LANCL2: variants seen among roughly 807,000 people sequenced by gnomAD.
LANCL2 encodes lanC-like protein 2.
Under a neutral mutation model 56.9 loss-of-function variants are expected in LANCL2, and 33 were observed. The ratio of observed to expected loss-of-function variants is 0.58; its 90% CI spans 0.44 to 0.78. LANCL2 has a LOEUF of 0.78. Among genes scored for constraint, LANCL2 ranks in the 30% least tolerant of loss-of-function variants. The pLI is 0.00. For synonymous variants in LANCL2, 233 were observed against 228.2 expected (o/e 1.02, Z -0.19); for missense variants, 562 against 580.2 (o/e 0.97, Z 0.32).
chr7:55,390,227 AAGAG>A (rs10566867), intron 1 of LANCL2, among the ~76,000 whole-genome samples: 44,038 of 151,898 alleles, frequency 0.29, 6,827 homozygotes, highest in Non-Finnish European at 0.35. Flanking sequence ...TGAAAGCAAA[AAGAG>A]AGAGAGAGTT....
At position 55,366,171 on chromosome 7, in the gene LANCL2, G is replaced by C; in HGVS notation, c.146G>C (p.Cys49Ser). The C allele has an allele frequency of 6.4e-7, 1 of 1,559,558 alleles. No individual in the cohort carries two copies. The highest frequency in any genetic ancestry group is 8.7e-7 in the Non-Finnish European group (1 of 1,151,188). ...LASGAAEETG[C>S]VRPPATTDEP... ...TCCGGAGCGGCCGAAGAGACAGGCT[G>C]TGTTCGTCCCCCGGCGACCACGGAT... Residue 49 changes from cysteine (C) to serine (S), a missense_variant, in exon 1 of 9, where the codon TGT becomes TCT. This residue lies in a region of LANCL2 where 184 missense variants were observed against 111.8 expected (regional missense o/e 1.65). Transcript: ENST00000254770.
chr7:55,398,653 T>C (rs1218722345), intron 3 of LANCL2, 23 bp downstream of exon 3: 3 of 1,566,322 alleles, frequency 1.9e-6, no homozygotes, highest in Non-Finnish European at 2.6e-6. Context: ...ACTGGAAACA[T>C]TTTCTCCCAA....
chr7:55,416,286 C>A (rs10247700), intron 6 of LANCL2, among the ~76,000 whole-genome samples: 44,482 of 151,794 alleles, frequency 0.29, 6,864 homozygotes, highest in Non-Finnish European at 0.34. Flanking sequence ...ATATCTTCTT[C>A]TTATTATTAT....
intron 1 of LANCL2, among the ~76,000 whole-genome samples, chr7:55,375,785 G>C (rs1435379674): frequency 2.0e-5 from 3 of 152,148 alleles, no homozygotes; most frequent in African/African-American, 7.2e-5. Context: ...CTGTTTCCCA[G>C]CTCATTGAAG....
intron 6 of LANCL2, among the ~76,000 whole-genome samples, chr7:55,414,101 G>A (rs527641914): frequency 6.6e-6 from 1 of 152,338 alleles, no homozygotes; most frequent in Non-Finnish European, 1.5e-5. Context: ...AAAAGCATAT[G>A]TAATATGGTC....
intron 5 of LANCL2, among the ~76,000 whole-genome samples, chr7:55,406,804 A>G (rs943431600): frequency 1.3e-5 from 2 of 152,210 alleles, no homozygotes; most frequent in Admixed American, 6.5e-5. Context: ...AACCAGAAAA[A>G]CAACAAAACA....
chr7:55,427,830 G>T (rs908297093), intron 7 of LANCL2, among the ~76,000 whole-genome samples: 6 of 152,192 alleles, frequency 3.9e-5, no homozygotes, highest in African/African-American at 1.4e-4. Flanking sequence ...TAAGAAGAAA[G>T]GGTCAAGGAG....
chr7:55,414,053 G>A (rs1790499829), intron 6 of LANCL2, among the ~76,000 whole-genome samples: 3 of 152,132 alleles, frequency 2.0e-5, no homozygotes, highest in African/African-American at 4.8e-5. Flanking sequence ...CCATAAATAT[G>A]TACAATTATT....
chr7:55,409,280 G>T (rs528609810), intron 5 of LANCL2, among the ~76,000 whole-genome samples: 1 of 151,372 alleles, frequency 6.6e-6, no homozygotes, highest in African/African-American at 2.4e-5. Context: ...TTTTAGTGGA[G>T]ATGGGGTTTC....
chr7:55,415,091 T>C (rs1208513528), intron 6 of LANCL2, among the ~76,000 whole-genome samples: 1 of 151,912 alleles, frequency 6.6e-6, no homozygotes, highest in Non-Finnish European at 1.5e-5. Context: ...ACAAATTACA[T>C]CTGACAAAAA....
intron 6 of LANCL2, among the ~76,000 whole-genome samples, chr7:55,417,167 G>A (rs1469478986): frequency 1.3e-5 from 2 of 151,922 alleles, no homozygotes; most frequent in Non-Finnish European, 2.9e-5. Context: ...TTTTAGTAGA[G>A]ATGGGGTTTC....
chr7:55,406,036 C>A (rs548486077), intron 5 of LANCL2, among the ~76,000 whole-genome samples: 246 of 152,262 alleles, frequency 1.6e-3, no homozygotes, highest in Non-Finnish European at 3.1e-3. Context: ...GCTAATCATA[C>A]GTAGCCTTGG....
intron 1 of LANCL2, among the ~76,000 whole-genome samples, chr7:55,390,667 G>C (rs1474319640): frequency 1.3e-5 from 2 of 152,010 alleles, no homozygotes; most frequent in African/African-American, 4.8e-5. Flanking sequence ...TGTAGTCCCA[G>C]CTACTCGGGA....
intron 5 of LANCL2, among the ~76,000 whole-genome samples, chr7:55,411,075 G>A (rs907244973): frequency 5.3e-5 from 8 of 152,168 alleles, no homozygotes; most frequent in African/African-American, 1.9e-4. Flanking sequence ...ACATTGTGTG[G>A]CATTAACATG....
intron 1 of LANCL2, among the ~76,000 whole-genome samples, chr7:55,387,497 A>G (rs889569454): frequency 7.9e-5 from 12 of 151,908 alleles, no homozygotes; most frequent in Admixed American, 7.9e-4. Flanking sequence ...ACTGGGACAC[A>G]GCAAACGTTG....
At chr7:55,375,947 T>A (rs949341578) in intron 1 of LANCL2, among the ~76,000 whole-genome samples, 2 of 152,116 alleles carry the variant, frequency 1.3e-5, no homozygotes, top group African/African-American at 2.4e-5. Context: ...ACACTTCACA[T>A]CTCTCTGATT....
intron 1 of LANCL2, among the ~76,000 whole-genome samples, chr7:55,390,052 A>G (rs977873404): frequency 5.9e-5 from 9 of 152,202 alleles, no homozygotes; most frequent in Non-Finnish European, 1.2e-4. Flanking sequence ...CAGAATCCCA[A>G]ATTTCAGTAG....
At chr7:55,392,755 T>A (rs973974621) in intron 2 of LANCL2, among the ~76,000 whole-genome samples, 1 of 152,188 alleles carries the variant, frequency 6.6e-6, no homozygotes, top group African/African-American at 2.4e-5. Flanking sequence ...AACTTTAATA[T>A]CTAGTGTGTC....
At position 55,432,140 on chromosome 7, in the gene LANCL2, C is replaced by T. The variant is rs1039611790; in HGVS notation, c.*820C>T. 1 of 152,196 alleles carries T rather than the reference C, an allele frequency of 6.6e-6. No homozygotes were observed. The highest frequency in any genetic ancestry group is 2.4e-5 in the African/African-American group (1 of 41,440). 9.4% of individuals were successfully genotyped at this position (152,196 alleles called of 1,614,324 possible). On this transcript the variant is annotated 3_prime_UTR_variant, in exon 9 of 9. Transcript: ENST00000254770. Reference sequence around the variant, plus strand: ...AGAACATTTACCCAGGTATATGTTACTAAAACAGGCTCCACCTCAGTTTAT... The same window carrying T: ...AGAACATTTACCCAGGTATATGTTATTAAAACAGGCTCCACCTCAGTTTAT...
Sources: allele counts gnomAD v4.1 joint callset (sites outside exome capture counted in the v4.1 genomes callset), GRCh38; gene constraint gnomAD v4.1.1; regional missense constraint gnomAD v4.1.1; transcripts MANE v1.5; gene names NCBI Gene and HGNC (gene_info 2026-07-23, HGNC 2026-07-21).